The following ARID5B variants were observed in gnomAD, a reference collection of about 807,000 sequenced individuals.
The protein encoded by ARID5B is AT-rich interaction domain 5B, also known as AT-rich interactive domain-containing protein 5B.
ARID5B carries 13 observed loss-of-function variants against 97.2 expected under a neutral mutation model. The observed-to-expected ratio is 0.13, with a 90% CI of 0.09 to 0.21. The LOEUF (loss-of-function observed/expected upper bound fraction) is 0.21, where lower values mean the gene tolerates loss of function less well. Among genes scored for constraint, ARID5B ranks in the 10% least tolerant of loss-of-function variants. ARID5B has a pLI of 1.00. For missense variants in ARID5B, 1,210 were observed against 1,465.3 expected (o/e 0.83, Z 2.84); for synonymous variants, 556 against 570.3 (o/e 0.97, Z 0.36).
intron 4 of ARID5B, among the ~76,000 whole-genome samples, chr10:62,003,997 TAAAG>T (rs1301717626): frequency 6.6e-6 from 1 of 152,224 alleles, no homozygotes; most frequent in Non-Finnish European, 1.5e-5. Context: ...TAGAAACTAT[TAAAG>T]AAAAATAGAA....
chr10:61,938,829 A>T (rs12354729), intron 2 of ARID5B, among the ~76,000 whole-genome samples: 8,495 of 151,938 alleles, frequency 0.056, 292 homozygotes, highest in South Asian at 0.12. Flanking sequence ...TCTCAGAAGC[A>T]GCTTGGAACT....
At chr10:62,068,958 G>A (rs989835417) in intron 7 of ARID5B, among the ~76,000 whole-genome samples, 3 of 152,044 alleles carry the variant, frequency 2.0e-5, no homozygotes, top group Middle Eastern at 3.2e-3. Flanking sequence ...AATAATGTAC[G>A]TAGCTAGCAT....
At chr10:61,974,768 C>G (rs1310693922) in intron 3 of ARID5B, among the ~76,000 whole-genome samples, 6 of 152,198 alleles carry the variant, frequency 3.9e-5, no homozygotes, top group Non-Finnish European at 8.8e-5. Flanking sequence ...TGCTTGGCTG[C>G]TTGCCAAGCG....
chr10:61,924,214 C>T (rs1031764921), intron 2 of ARID5B, among the ~76,000 whole-genome samples: 1 of 152,208 alleles, frequency 6.6e-6, no homozygotes, highest in African/African-American at 2.4e-5. Context: ...CCCGAGGAGG[C>T]AAAAGAGTTG....
intron 2 of ARID5B, among the ~76,000 whole-genome samples, chr10:61,911,970 C>T (rs1843812351): frequency 6.6e-6 from 1 of 152,082 alleles, no homozygotes; most frequent in Non-Finnish European, 1.5e-5. Flanking sequence ...AACCCTCCAC[C>T]AAGGAGGGCA....
At chr10:62,011,519 G>C (rs1839217382) in intron 4 of ARID5B, among the ~76,000 whole-genome samples, 1 of 152,162 alleles carries the variant, frequency 6.6e-6, no homozygotes, top group Non-Finnish European at 1.5e-5. Context: ...GACCCTTGGT[G>C]CCAGTGTCAC....
At chr10:61,927,188 A>G (rs750820332) in intron 2 of ARID5B, among the ~76,000 whole-genome samples, 6 of 152,186 alleles carry the variant, frequency 3.9e-5, no homozygotes, top group African/African-American at 9.7e-5. Flanking sequence ...AATATATAAT[A>G]GTAATCACCA....
At chr10:62,029,683 T>C (rs1187033213) in intron 4 of ARID5B, among the ~76,000 whole-genome samples, 2 of 152,256 alleles carry the variant, frequency 1.3e-5, no homozygotes, top group Non-Finnish European at 1.5e-5. Context: ...TCCATCCTCA[T>C]GGACATTTGT....
At chr10:62,004,662 G>C (rs1362387261) in intron 4 of ARID5B, among the ~76,000 whole-genome samples, 6 of 151,962 alleles carry the variant, frequency 3.9e-5, no homozygotes, top group African/African-American at 1.2e-4. Flanking sequence ...CATTTATATT[G>C]TGTTATTTCC....
intron 8 of ARID5B, among the ~76,000 whole-genome samples, chr10:62,083,313 G>GAAAA (rs35831175): frequency 7.8e-6 from 1 of 128,846 alleles, no homozygotes; most frequent in Non-Finnish European, 1.6e-5. Context: ...AAGAAAAAAT[G>GAAAA]AAAAAAAAAA....
intron 4 of ARID5B, among the ~76,000 whole-genome samples, chr10:62,004,095 A>C (rs1280568037): frequency 6.6e-6 from 1 of 152,156 alleles, no homozygotes; most frequent in Admixed American, 6.6e-5. Flanking sequence ...GAATTGAGTA[A>C]ATATATCCTG....
intron 4 of ARID5B, among the ~76,000 whole-genome samples, chr10:62,016,631 G>A (rs943801726): frequency 1.3e-5 from 2 of 152,142 alleles, no homozygotes; most frequent in South Asian, 2.1e-4. Context: ...TGCTCCCCAC[G>A]AAACCTATAC....
intron 3 of ARID5B, among the ~76,000 whole-genome samples, chr10:61,945,910 C>T (rs932766861): frequency 1.3e-5 from 2 of 151,042 alleles, no homozygotes; most frequent in Non-Finnish European, 1.5e-5. Context: ...ATTACTGTCT[C>T]CCTCGATAGA....
chr10:62,076,421 A>C (rs1325146242), intron 8 of ARID5B, among the ~76,000 whole-genome samples: 5 of 152,052 alleles, frequency 3.3e-5, no homozygotes, highest in African/African-American at 1.2e-4. Context: ...ACACACCTGT[A>C]ATCCTGACTA....
At chr10:61,924,279 CA>C (rs1844065154) in intron 2 of ARID5B, among the ~76,000 whole-genome samples, 1 of 152,192 alleles carries the variant, frequency 6.6e-6, no homozygotes, top group South Asian at 2.1e-4. Flanking sequence ...CTCCACACCA[CA>C]GTCGTTGAAC....
chr10:62,067,607 T>A (rs149846693), intron 7 of ARID5B, among the ~76,000 whole-genome samples: 1 of 152,258 alleles, frequency 6.6e-6, no homozygotes, highest in East Asian at 1.9e-4. Flanking sequence ...GCTCCCAGAG[T>A]TCTGTGTTAC....
At chr10:61,924,471 C>T (rs968842253) in intron 2 of ARID5B, among the ~76,000 whole-genome samples, 10 of 152,120 alleles carry the variant, frequency 6.6e-5, no homozygotes, top group African/African-American at 1.7e-4. Context: ...ATACAAAGTC[C>T]GTTTAAGTAA....
chr10:62,059,292 A>G lies in ARID5B; in HGVS notation c.1098A>G (p.Glu366=). ...FQAAQKLGGY[E]TITARRQWKH... ...CTGCTCAAAAACTGGGAGGATATGAAACAGTAAGTGTTTAAGCAACTTAAA... is the reference window on the plus strand; with the variant it reads ...CTGCTCAAAAACTGGGAGGATATGAGACAGTAAGTGTTTAAGCAACTTAAA... Residue 366 remains glutamate, a synonymous_variant, in exon 7 of 10, where the codon GAA becomes GAG. Coordinates refer to ENST00000279873, the MANE Select transcript of ARID5B (RefSeq NM_032199.3). The G allele has an allele frequency of 6.2e-7, 1 of 1,611,810 alleles. No individual in the cohort carries two copies. The highest frequency in any genetic ancestry group is 8.5e-7 in the Non-Finnish European group (1 of 1,178,594).
At chr10:61,902,562 G>T in intron 2 of ARID5B, 149 bp downstream of exon 2, 1 of 1,139,808 alleles carries the variant, frequency 8.8e-7, no homozygotes, top group Non-Finnish European at 1.2e-6. Context: ...ACTAGCTGGG[G>T]CTCGAGTATT....
Sources: allele counts gnomAD v4.1 joint callset (sites outside exome capture counted in the v4.1 genomes callset), GRCh38; gene constraint gnomAD v4.1.1; transcripts MANE v1.5; gene names NCBI Gene and HGNC (gene_info 2026-07-23, HGNC 2026-07-21).